Variants in TGM6 observed in about 807,000 individuals in gnomAD.
The protein encoded by TGM6 is transglutaminase 6.
TGM6 carries 74 observed loss-of-function variants against 77.5 expected under a neutral mutation model. That is an observed-to-expected ratio of 0.96 (90% CI 0.79 to 1.16). The LOEUF is 1.16. Ranked by LOEUF, TGM6 falls within the 50% of genes most tolerant of loss-of-function variation. The pLI is 0.00. For missense variants in TGM6, 968 were observed against 940.2 expected (o/e 1.03, Z -0.39); for synonymous variants, 383 against 378.9 (o/e 1.01, Z -0.12).
intron 10 of TGM6, among the ~76,000 whole-genome samples, chr20:2,428,357 A>T (rs1275788511): frequency 2.6e-5 from 4 of 152,206 alleles, no homozygotes; most frequent in Non-Finnish European, 5.9e-5. Context: ...CCCTGATGCA[A>T]ACATTTTAAA....
At chr20:2,430,040 C>T (rs961481735) in intron 10 of TGM6, among the ~76,000 whole-genome samples, 83 of 152,178 alleles carry the variant, frequency 5.5e-4, no homozygotes, top group African/African-American at 1.9e-3. Flanking sequence ...TTTGGTCTTC[C>T]TCTTCTCTGC....
intron 9 of TGM6, among the ~76,000 whole-genome samples, chr20:2,406,883 A>C (rs2122384789): frequency 6.7e-6 from 1 of 149,470 alleles, no homozygotes; most frequent in East Asian, 2.0e-4. Context: ...CCACAGGAGA[A>C]ATTAACATCC....
intron 7 of TGM6, among the ~76,000 whole-genome samples, chr20:2,402,716 T>G (rs758500496): frequency 6.6e-6 from 1 of 152,206 alleles, no homozygotes. Flanking sequence ...TGATGTCATG[T>G]TTCCTACTCA....
At chr20:2,397,778 C>A in intron 4 of TGM6, 140 bp from the exon 5 acceptor site, 1 of 1,351,246 alleles carries the variant, frequency 7.4e-7, no homozygotes, top group Non-Finnish European at 1.1e-6. Flanking sequence ...CTAGGGGGTG[C>A]TCTGTGATGC....
intron 9 of TGM6, among the ~76,000 whole-genome samples, chr20:2,411,871 T>C (rs932301967): frequency 2.0e-4 from 31 of 152,344 alleles, no homozygotes; most frequent in Middle Eastern, 3.4e-3. Context: ...GTCTTGAATA[T>C]GTTGCCAAAA....
chr20:2,403,551 A>C (rs755965073), intron 8 of TGM6, 30 bp from the exon 9 acceptor site: 2 of 1,614,000 alleles, frequency 1.2e-6, no homozygotes, highest in South Asian at 2.2e-5. Context: ...TTCCTTACCC[A>C]TGCTGCTCAT....
At chr20:2,397,626 T>C (rs1360252319) in intron 4 of TGM6, among the ~76,000 whole-genome samples, 5 of 152,220 alleles carry the variant, frequency 3.3e-5, no homozygotes, top group African/African-American at 1.2e-4. Flanking sequence ...GCGAGGTGGA[T>C]GTGGCTCGAG....
intron 9 of TGM6, among the ~76,000 whole-genome samples, chr20:2,415,891 G>A (rs964008810): frequency 6.6e-6 from 1 of 152,138 alleles, no homozygotes; most frequent in Non-Finnish European, 1.5e-5. Flanking sequence ...GGAAAGTGGT[G>A]TATCAGGGGC....
intron 12 of TGM6, 69 bp from the exon 13 acceptor site, chr20:2,432,421 G>T (rs973316859): frequency 6.3e-6 from 10 of 1,598,066 alleles, no homozygotes; most frequent in Non-Finnish European, 8.6e-6. Context: ...GGGAGCCGTG[G>T]ATTGGCAGGC....
chr20:2,424,101 G>A (rs894355127), intron 10 of TGM6, among the ~76,000 whole-genome samples: 5 of 152,016 alleles, frequency 3.3e-5, no homozygotes, highest in South Asian at 2.1e-4. Flanking sequence ...AATTCTTAAG[G>A]GCCCTAGGAT....
intron 3 of TGM6, among the ~76,000 whole-genome samples, chr20:2,395,957 G>A (rs532586476): frequency 1.1e-4 from 16 of 152,254 alleles, no homozygotes; most frequent in African/African-American, 3.9e-4. Context: ...AAGGCAGGGG[G>A]ATCACCTGAG....
intron 1 of TGM6, among the ~76,000 whole-genome samples, chr20:2,387,072 T>A (rs1230083861): frequency 6.6e-6 from 1 of 152,210 alleles, no homozygotes; most frequent in East Asian, 1.9e-4. Context: ...AGGCAAGAAG[T>A]CCCTTTCTTC....
At position 2,432,568 on chromosome 20, in the gene TGM6, G is replaced by A. The variant is rs1002331238; in HGVS notation, c.2046G>A (p.Leu682=). Residue 682 remains leucine (L), a synonymous_variant, in exon 13 of 13, where the codon CTG becomes CTA. Coordinates refer to ENST00000202625, the MANE Select transcript of TGM6 (RefSeq NM_198994.3). The part of the protein sequence containing the change: ...ITPSKSGPRQ[L]QVDLVSPHFP... Reference sequence around the variant, plus strand: ...CCTCCAAAAGTGGCCCAAGGCAGCTGCAGGTGGACCTTGTAAGCCCTCACT... The same window carrying A: ...CCTCCAAAAGTGGCCCAAGGCAGCTACAGGTGGACCTTGTAAGCCCTCACT... The A allele has an allele frequency of 1.2e-6, 2 of 1,614,020 alleles. No homozygotes were observed. The highest frequency in any genetic ancestry group is 1.7e-6 in the Non-Finnish European group (2 of 1,180,032).
chr20:2,423,534 G>C (rs1318063637), intron 10 of TGM6, among the ~76,000 whole-genome samples: 1 of 152,120 alleles, frequency 6.6e-6, no homozygotes, highest in African/African-American at 2.4e-5. Context: ...TCTTTAGGCT[G>C]CACTCTAATT....
intron 9 of TGM6, among the ~76,000 whole-genome samples, chr20:2,405,874 G>A (rs1048787349): frequency 6.6e-6 from 1 of 152,248 alleles, no homozygotes; most frequent in East Asian, 1.9e-4. Context: ...TCTCCCACCT[G>A]CTGTCTCCCT....
chr20:2,426,666 T>C (rs1245564825), intron 10 of TGM6, among the ~76,000 whole-genome samples: 1 of 152,194 alleles, frequency 6.6e-6, no homozygotes, highest in Non-Finnish European at 1.5e-5. Flanking sequence ...GTAGATGTTC[T>C]TTATCAAGTT....
intron 1 of TGM6, among the ~76,000 whole-genome samples, chr20:2,390,525 T>C (rs932816657): frequency 5.3e-5 from 8 of 152,242 alleles, no homozygotes; most frequent in African/African-American, 7.2e-5. Flanking sequence ...TTCATTAATA[T>C]ATTTAAGAAA....
intron 9 of TGM6, among the ~76,000 whole-genome samples, chr20:2,415,107 G>A (rs1169563808): frequency 6.6e-6 from 1 of 152,162 alleles, no homozygotes; most frequent in Non-Finnish European, 1.5e-5. Context: ...AGGCCTCCAT[G>A]AGAAGGTGGC....
chr20:2,418,359 G>A (rs1254337081), intron 10 of TGM6, among the ~76,000 whole-genome samples: 1 of 152,142 alleles, frequency 6.6e-6, no homozygotes, highest in Non-Finnish European at 1.5e-5. Flanking sequence ...TGCATGCGAC[G>A]GCACAATCCC....
Sources: gnomAD v4.1 joint callset for allele counts (sites outside exome capture counted in the v4.1 genomes callset) on GRCh38, gnomAD v4.1.1 for gene constraint, MANE v1.5 for transcripts, NCBI Gene and HGNC (gene_info 2026-07-23, HGNC 2026-07-21) for gene names.